The following MYO1H variants were observed in gnomAD, a reference collection of about 807,000 sequenced individuals.
MYO1H encodes myosin IH, also known as unconventional myosin-Ih.
In MYO1H, 118 loss-of-function variants were observed where a neutral mutation model predicts 149.3. That is an observed-to-expected ratio of 0.79 (90% CI 0.68 to 0.92). The LOEUF (loss-of-function observed/expected upper bound fraction) is 0.92, where lower values mean the gene tolerates loss of function less well. Ranked by LOEUF, MYO1H falls within the 40% of genes least tolerant of loss-of-function variation. MYO1H has a pLI of 0.00. For missense variants in MYO1H, 1,212 were observed against 1,280.7 expected (o/e 0.95, Z 0.82); for synonymous variants, 447 against 465.2 (o/e 0.96, Z 0.50).
At chr12:109,382,389 G>GC (rs2137026333) in intron 1 of MYO1H, among the ~76,000 whole-genome samples, 1 of 152,228 alleles carries the variant, frequency 6.6e-6, no homozygotes, top group African/African-American at 2.4e-5. Flanking sequence ...TGAATAAATT[G>GC]CAAGAAAGAA....
the MYO1H span, among the ~76,000 whole-genome samples, chr12:109,324,714 T>A: frequency 1.1e-4 from 16 of 152,128 alleles, no homozygotes; most frequent in Admixed American, 4.6e-4. Context: ...TTTTTTTTTT[T>A]AAATTTTACT....
At chr12:109,397,539 G>A (rs757242308) in intron 4 of MYO1H, among the ~76,000 whole-genome samples, 193 bp from the exon 5 acceptor site, 5 of 152,012 alleles carry the variant, frequency 3.3e-5, no homozygotes, top group Admixed American at 6.6e-5. Flanking sequence ...TTTTCTCCCC[G>A]GGTCCAGATC....
chr12:109,319,492 G>A, the MYO1H span, among the ~76,000 whole-genome samples: 6 of 152,212 alleles, frequency 3.9e-5, no homozygotes, highest in Admixed American at 3.9e-4. Context: ...AACTTCTGGA[G>A]ATCTGGTGCA....
intron 21 of MYO1H, among the ~76,000 whole-genome samples, chr12:109,435,409 G>A (rs73194246): frequency 6.6e-6 from 1 of 152,096 alleles, no homozygotes; most frequent in Non-Finnish European, 1.5e-5. Context: ...CCAGCCCCTT[G>A]AAATTAAAGT....
chr12:109,380,965 C>T (rs1408895189), intron 1 of MYO1H, among the ~76,000 whole-genome samples: 1 of 152,038 alleles, frequency 6.6e-6, no homozygotes, highest in Middle Eastern at 3.2e-3. Flanking sequence ...AGGTTAAGTT[C>T]AAACCTCTTC....
chr12:109,318,981 T>G, the MYO1H span, among the ~76,000 whole-genome samples: 194 of 49,610 alleles, frequency 3.9e-3, 2 homozygotes, highest in African/African-American at 9.3e-3. Context: ...TGTTTTTTTT[T>G]TTTTTTTTTT....
exon 1 of MYO1H, chr12:109,347,962 T>G: frequency 2.5e-6 from 1 of 399,082 alleles, no homozygotes; most frequent in East Asian, 3.6e-5. Context: ...CTGTGCGTGA[T>G]GGAATCCAAG....
At chr12:109,326,605 T>C in the MYO1H span, among the ~76,000 whole-genome samples, 3 of 152,000 alleles carry the variant, frequency 2.0e-5, no homozygotes, top group African/African-American at 7.3e-5. Flanking sequence ...CACTGCAACC[T>C]CCGCCTCCTG....
chr12:109,332,509 C>G, the MYO1H span, among the ~76,000 whole-genome samples: 1 of 152,204 alleles, frequency 6.6e-6, no homozygotes, highest in East Asian at 1.9e-4. Context: ...AGACCAAGTG[C>G]CCTTGTGGCC....
At chr12:109,312,781 T>C in the MYO1H span, among the ~76,000 whole-genome samples, 7 of 106,208 alleles carry the variant, frequency 6.6e-5, no homozygotes, top group Admixed American at 5.0e-4. Context: ...TTGTTTTTTG[T>C]TTTGTTTTGT....
intron 28 of MYO1H, 52 bp from the exon 29 acceptor site, chr12:109,444,161 A>G (rs1566045918): frequency 3.6e-6 from 5 of 1,370,564 alleles, no homozygotes; most frequent in South Asian, 2.3e-5. Flanking sequence ...CTTCCTCTGT[A>G]CTAATGTCAA....
chr12:109,388,609 TA>T (rs2137032390), intron 1 of MYO1H, 73 bp from the exon 2 acceptor site: 2 of 1,326,930 alleles, frequency 1.5e-6, no homozygotes, highest in East Asian at 4.8e-5. Context: ...AGCATCTTGT[TA>T]TTTCCATGCA....
At chr12:109,376,881 G>T (rs1358226724) in intron 1 of MYO1H, among the ~76,000 whole-genome samples, 3 of 152,218 alleles carry the variant, frequency 2.0e-5, no homozygotes, top group Non-Finnish European at 4.4e-5. Flanking sequence ...AAGGACCAGT[G>T]TGGGAGAACA....
rs1205468344 is a variant in MYO1H, at chr12:109,384,979, C to G, written c.13-3704C>G. 2.0e-5 allele frequency among the ~76,000 whole-genome samples: 3 copies of G among 152,126 alleles called. No homozygotes were observed. The East Asian group carries it at 5.8e-4, about 29-fold the overall frequency. ...TTACTATGTTTCTATTTCTAATAAT[C>G]GTGATTATTGATACTAATGATGACA... is the stretch of plus-strand genomic sequence containing the variant. On this transcript the variant is annotated intron_variant, in intron 1 of 31. Transcript: ENST00000310903.
At chr12:109,313,380 C>T in the MYO1H span, among the ~76,000 whole-genome samples, 1 of 152,188 alleles carries the variant, frequency 6.6e-6, no homozygotes, top group Non-Finnish European at 1.5e-5. Flanking sequence ...TGTGGAGCCG[C>T]CATTTAATGT....
At chr12:109,411,933 A>G in exon 14 of MYO1H, 1 of 1,607,162 alleles carries the variant, frequency 6.2e-7, no homozygotes, top group Middle Eastern at 1.6e-4. Context: ...TACAGACTTG[A>G]GTTTCCTGGA....
chr12:109,383,427 C>T (rs1276842674), intron 1 of MYO1H, among the ~76,000 whole-genome samples: 1 of 152,190 alleles, frequency 6.6e-6, no homozygotes, highest in Non-Finnish European at 1.5e-5. Context: ...GATAAGCAGT[C>T]TTCAGCTACA....
intron 1 of MYO1H, among the ~76,000 whole-genome samples, chr12:109,368,723 G>T (rs1868920827): frequency 6.8e-6 from 1 of 146,224 alleles, no homozygotes; most frequent in Non-Finnish European, 1.5e-5. Context: ...TTTTATTTTA[G>T]ATTCAGGGGT....
At chr12:109,445,476 C>G in intron 30 of MYO1H, 37 bp from the exon 31 acceptor site, 2 of 1,459,564 alleles carry the variant, frequency 1.4e-6, no homozygotes, top group South Asian at 1.2e-5. Flanking sequence ...GAAGAAAATA[C>G]AGTATGTCAG....
Sources: gnomAD v4.1 joint callset for allele counts (sites outside exome capture counted in the v4.1 genomes callset) on GRCh38, gnomAD v4.1.1 for gene constraint, MANE v1.5 for transcripts, NCBI Gene and HGNC (gene_info 2026-07-23, HGNC 2026-07-21) for gene names.